Variants in PRKN observed in about 807,000 individuals in gnomAD.
PRKN encodes the protein parkin RBR E3 ubiquitin protein ligase, also known as E3 ubiquitin-protein ligase parkin.
Under a neutral mutation model 59.5 loss-of-function variants are expected in PRKN, and 56 were observed. That is an observed-to-expected ratio of 0.94 (90% CI 0.76 to 1.18). The LOEUF (loss-of-function observed/expected upper bound fraction) is 1.18, where lower values mean the gene tolerates loss of function less well. PRKN is among the 50% of genes most tolerant of loss of function. PRKN has a pLI of 0.00. For synonymous variants in PRKN, 250 were observed against 222.1 expected (o/e 1.13, Z -1.12); for missense variants, 657 against 596.4 (o/e 1.10, Z -1.06).
At chr6:161,716,173 C>T (rs781423716) in intron 7 of PRKN, 4 of 1,024,596 alleles carry the variant, frequency 3.9e-6, no homozygotes, top group South Asian at 2.6e-5. Context: ...TAATTTGATG[C>T]TCACAGCAAC....
intron 3 of PRKN, among the ~76,000 whole-genome samples, chr6:162,255,274 C>T (rs1288487278): frequency 6.6e-6 from 1 of 152,034 alleles, no homozygotes; most frequent in Non-Finnish European, 1.5e-5. Flanking sequence ...AATATTGGGC[C>T]TTTGTACATG....
intron 7 of PRKN, among the ~76,000 whole-genome samples, chr6:161,748,735 G>T (rs1352603542): frequency 6.6e-6 from 1 of 152,154 alleles, no homozygotes; most frequent in Non-Finnish European, 1.5e-5. Flanking sequence ...GACGCGGGGA[G>T]TGTATGGAGA....
At chr6:162,107,377 A>G (rs1211638703) in intron 4 of PRKN, among the ~76,000 whole-genome samples, 2 of 152,204 alleles carry the variant, frequency 1.3e-5, no homozygotes, top group Non-Finnish European at 2.9e-5. Flanking sequence ...AGGCAGGAGT[A>G]TCGCATGAAC....
intron 7 of PRKN, among the ~76,000 whole-genome samples, chr6:161,764,443 C>A (rs1489080953): frequency 6.6e-6 from 1 of 152,160 alleles, no homozygotes; most frequent in Non-Finnish European, 1.5e-5. Flanking sequence ...ATGCAACCGT[C>A]TTTGTTTTTA....
intron 1 of PRKN, among the ~76,000 whole-genome samples, chr6:162,676,609 C>T (rs1779555096): frequency 6.6e-6 from 1 of 152,092 alleles, no homozygotes; most frequent in Admixed American, 6.6e-5. Context: ...GAGGCATGAC[C>T]TGTGGTAAAC....
chr6:161,406,525 T>A (rs1360008386), intron 9 of PRKN, among the ~76,000 whole-genome samples: 1 of 152,152 alleles, frequency 6.6e-6, no homozygotes, highest in Non-Finnish European at 1.5e-5. Context: ...GTACCCTAAG[T>A]TCTGCTTTAT....
chr6:162,318,652 G>C (rs1472211981), intron 2 of PRKN, among the ~76,000 whole-genome samples: 1 of 151,926 alleles, frequency 6.6e-6, no homozygotes, highest in Non-Finnish European at 1.5e-5. Flanking sequence ...TAATGGATGT[G>C]GTACTTCACT....
Position 161,635,411 on chromosome 6 carries a change from G to C in PRKN, c.872-65995C>G, listed in dbSNP as rs1406995039. Among the ~76,000 whole-genome samples, 3 of 152,298 alleles carry C rather than the reference G, an allele frequency of 2.0e-5. No individual in the cohort carries two copies. The East Asian group carries it at 5.8e-4, about 29-fold the overall frequency. The stretch of plus-strand genomic sequence containing the variant: ...ATGAGCCTATTTACATGTGCTGACA[G>C]ATGGCCCACAGTGAAAATGCTTTGC... On this transcript the variant is annotated intron_variant, in intron 7 of 11. Coordinates refer to ENST00000366898, the MANE Select transcript of PRKN (RefSeq NM_004562.3).
At chr6:162,281,366 G>C (rs913894203) in intron 2 of PRKN, among the ~76,000 whole-genome samples, 2 of 151,404 alleles carry the variant, frequency 1.3e-5, no homozygotes, top group South Asian at 2.1e-4. Flanking sequence ...GTTTACCTAT[G>C]TAACAAACCT....
chr6:162,273,962 C>A (rs9458494), intron 2 of PRKN, among the ~76,000 whole-genome samples: 58 of 151,990 alleles, frequency 3.8e-4, no homozygotes, highest in Non-Finnish European at 7.5e-4. Flanking sequence ...TGTATCTCTA[C>A]GAAGGAGGAA....
intron 1 of PRKN, among the ~76,000 whole-genome samples, chr6:162,532,045 G>C (rs1420283658): frequency 6.6e-6 from 1 of 151,988 alleles, no homozygotes; most frequent in Non-Finnish European, 1.5e-5. Context: ...GCAACGACAG[G>C]TTCTTAGCGT....
intron 7 of PRKN, among the ~76,000 whole-genome samples, chr6:161,702,867 T>C (rs941831185): frequency 1.3e-5 from 2 of 152,092 alleles, no homozygotes; most frequent in Non-Finnish European, 2.9e-5. Flanking sequence ...TAGAAATAAT[T>C]TGATAAATTG....
In PRKN at chr6:161,473,398, CT is replaced by C. The variant is rs1790890498; in HGVS notation, c.1083+75455del. On this transcript the variant is annotated intron_variant, in intron 9 of 11. Transcript: ENST00000366898. The surrounding 1 kb of genome is among the most constrained non-coding windows in gnomAD (Gnocchi z 4.1). ...TATATAAAATGGAATATTATCAAGCCTTAAAAAGGAGATTCTACTATTTTTG... is the reference window on the plus strand; with the variant it reads ...TATATAAAATGGAATATTATCAAGCCTAAAAAGGAGATTCTACTATTTTTG... Among the ~76,000 whole-genome samples the C allele has an allele frequency of 1.3e-5, 2 of 150,580 alleles. No individual in the cohort carries two copies.
chr6:161,718,708 T>C (rs1787094926), intron 7 of PRKN, among the ~76,000 whole-genome samples: 2 of 152,300 alleles, frequency 1.3e-5, no homozygotes, highest in South Asian at 4.2e-4. Flanking sequence ...GCCTGATACC[T>C]GTTGTAAACA....
At chr6:162,390,615 A>T (rs1787134306) in intron 2 of PRKN, among the ~76,000 whole-genome samples, 1 of 151,372 alleles carries the variant, frequency 6.6e-6, no homozygotes, top group Non-Finnish European at 1.5e-5. Flanking sequence ...TAATATTTGT[A>T]TTTTTTTAGT....
At chr6:162,358,650 CTT>C (rs1296135326) in intron 2 of PRKN, among the ~76,000 whole-genome samples, 1 of 152,086 alleles carries the variant, frequency 6.6e-6, no homozygotes, top group Non-Finnish European at 1.5e-5. Flanking sequence ...ATTAAAAACT[CTT>C]GAGTGGATGC....
chr6:162,476,869 G>A (rs112682201), intron 1 of PRKN, among the ~76,000 whole-genome samples: 210 of 152,166 alleles, frequency 1.4e-3, no homozygotes, highest in Non-Finnish European at 2.5e-3. Context: ...AAGGGAGAGA[G>A]AGTCTTTAAT....
At chr6:162,127,628 G>T (rs766924316) in intron 4 of PRKN, among the ~76,000 whole-genome samples, 19 of 152,168 alleles carry the variant, frequency 1.2e-4, no homozygotes, top group Non-Finnish European at 2.2e-4. Flanking sequence ...AATAAAATGT[G>T]CATCGTTGAG....
chr6:162,463,041 C>CCTGGGTG (rs1470709426), intron 1 of PRKN, among the ~76,000 whole-genome samples: 2 of 151,958 alleles, frequency 1.3e-5, no homozygotes, highest in Non-Finnish European at 2.9e-5. Context: ...TGCACTCCCA[C>CCTGGGTG]CTGGGTGACG....
Sources: allele counts gnomAD v4.1 joint callset (sites outside exome capture counted in the v4.1 genomes callset), GRCh38; gene constraint gnomAD v4.1.1; non-coding constraint Gnocchi (gnomAD v3.1); transcripts MANE v1.5; gene names NCBI Gene and HGNC (gene_info 2026-07-23, HGNC 2026-07-21).